The following CSMD1 variants were observed in gnomAD, a reference collection of about 807,000 sequenced individuals.
CSMD1 encodes CUB and Sushi multiple domains 1.
CSMD1 carries 213 observed loss-of-function variants against 417.5 expected under a neutral mutation model. The ratio of observed to expected loss-of-function variants is 0.51; its 90% CI spans 0.46 to 0.57. CSMD1 has a LOEUF of 0.57. CSMD1 is among the 20% of genes least tolerant of loss of function. CSMD1 has a pLI of 0.00. For synonymous variants in CSMD1, 2,862 were observed against 1,736.8 expected (o/e 1.65, Z -16.11); for missense variants, 6,923 against 4,529.7 (o/e 1.53, Z -15.17).
chr8:3,281,950 C>T (rs1802773056), intron 26 of CSMD1, among the ~76,000 whole-genome samples: 2 of 152,084 alleles, frequency 1.3e-5, no homozygotes, highest in Admixed American at 1.3e-4. Context: ...GCACGTAGCA[C>T]CTTCCGCTTC....
chr8:3,676,933 C>T (rs867245730), intron 7 of CSMD1, among the ~76,000 whole-genome samples: 2 of 151,902 alleles, frequency 1.3e-5, no homozygotes, highest in East Asian at 1.9e-4. Flanking sequence ...TGTTCACACT[C>T]ATAAGTGGGA....
chr8:3,170,409 T>C (rs897523919), intron 37 of CSMD1, among the ~76,000 whole-genome samples: 3 of 152,064 alleles, frequency 2.0e-5, no homozygotes, highest in East Asian at 3.9e-4. Context: ...GGGGTTTCAC[T>C]GTGTTAGCCA....
chr8:4,756,128 G>C (rs1212141023), intron 1 of CSMD1, among the ~76,000 whole-genome samples: 2 of 152,128 alleles, frequency 1.3e-5, no homozygotes, highest in Admixed American at 1.3e-4. Context: ...TATATAGTAA[G>C]CATATTCTGT....
chr8:4,461,072 G>A (rs900099285), intron 2 of CSMD1, among the ~76,000 whole-genome samples: 1 of 150,540 alleles, frequency 6.6e-6, no homozygotes, highest in Admixed American at 6.6e-5. Context: ...GTGTCCAAGT[G>A]CTATTTATCT....
chr8:4,581,928 G>C (rs973407465), intron 2 of CSMD1, among the ~76,000 whole-genome samples: 3 of 152,176 alleles, frequency 2.0e-5, no homozygotes, highest in African/African-American at 7.2e-5. Context: ...TCACAGTACA[G>C]TCAGGTCAAA....
At chr8:4,605,915 G>C (rs559378953) in intron 2 of CSMD1, among the ~76,000 whole-genome samples, 9 of 152,114 alleles carry the variant, frequency 5.9e-5, no homozygotes, top group African/African-American at 9.7e-5. Context: ...GATCAATGCT[G>C]GGAGATGGAA....
At chr8:4,224,233 AG>A (rs1178413934) in intron 3 of CSMD1, among the ~76,000 whole-genome samples, 1 of 2,384 alleles carries the variant, frequency 4.2e-4, no homozygotes, top group Non-Finnish European at 7.3e-4. Context: ...GGCCTTTTTC[AG>A]AAAAAAAAAA....
intron 8 of CSMD1, among the ~76,000 whole-genome samples, chr8:3,600,276 A>G (rs1425187804): frequency 1.3e-5 from 2 of 152,192 alleles, no homozygotes; most frequent in Non-Finnish European, 2.9e-5. Context: ...AAAATTCCTC[A>G]TAAAATTTAG....
intron 5 of CSMD1, among the ~76,000 whole-genome samples, chr8:3,760,531 C>G (rs1378458189): frequency 6.6e-6 from 1 of 152,202 alleles, no homozygotes; most frequent in African/African-American, 2.4e-5. Flanking sequence ...CTCCCTCAGC[C>G]TCACTTTTCT....
At chr8:3,673,746 A>G (rs967969378) in intron 7 of CSMD1, among the ~76,000 whole-genome samples, 1 of 152,166 alleles carries the variant, frequency 6.6e-6, no homozygotes, top group Non-Finnish European at 1.5e-5. Flanking sequence ...AAACTATTGG[A>G]GCTATTCCCT....
intron 3 of CSMD1, among the ~76,000 whole-genome samples, chr8:4,310,950 A>T (rs1798528048): frequency 6.6e-6 from 1 of 152,230 alleles, no homozygotes; most frequent in South Asian, 2.1e-4. Context: ...AACCTCAGTG[A>T]GATACTATCT....
chr8:4,797,929 T>G (rs746756584), intron 1 of CSMD1, among the ~76,000 whole-genome samples: 23 of 152,252 alleles, frequency 1.5e-4, no homozygotes, highest in African/African-American at 4.8e-4. Context: ...CAGATCTCCA[T>G]AAATGAAGAC....
chr8:4,459,231 G>A (rs1799663617), intron 2 of CSMD1, among the ~76,000 whole-genome samples: 1 of 152,206 alleles, frequency 6.6e-6, no homozygotes, highest in African/African-American at 2.4e-5. Context: ...TAGGAGGTAT[G>A]GGAGGCTCAA....
chr8:3,640,934 G>A (rs1425529745), intron 7 of CSMD1, among the ~76,000 whole-genome samples: 2 of 151,650 alleles, frequency 1.3e-5, no homozygotes, highest in African/African-American at 2.4e-5. Flanking sequence ...TTATTTGTGA[G>A]GGAAAGCAAA....
intron 3 of CSMD1, among the ~76,000 whole-genome samples, chr8:4,067,491 T>C (rs949236807): frequency 2.0e-5 from 3 of 152,148 alleles, no homozygotes; most frequent in African/African-American, 7.2e-5. Flanking sequence ...TACTTTTTTT[T>C]TTAATTTCAA....
chr8:4,190,619 G>T (rs1012621873), intron 3 of CSMD1, among the ~76,000 whole-genome samples: 2 of 151,554 alleles, frequency 1.3e-5, no homozygotes, highest in East Asian at 1.9e-4. Context: ...AAGCTCAAAG[G>T]GGTTAAAGAA....
chr8:3,814,257 A>G (rs1801248874), intron 5 of CSMD1, among the ~76,000 whole-genome samples: 1 of 152,148 alleles, frequency 6.6e-6, no homozygotes, highest in Admixed American at 6.6e-5. Flanking sequence ...TCTTGCTTAT[A>G]CTTAGTTCTG....
chr8:3,846,985 C>T (rs1014801693), intron 5 of CSMD1, among the ~76,000 whole-genome samples: 5 of 152,248 alleles, frequency 3.3e-5, no homozygotes, highest in South Asian at 4.1e-4. Flanking sequence ...CCAGGATTTA[C>T]TTTTTAAATA....
chr8:4,073,733 T>G (rs531863875), intron 3 of CSMD1, among the ~76,000 whole-genome samples: 2 of 152,270 alleles, frequency 1.3e-5, no homozygotes, highest in South Asian at 4.1e-4. Flanking sequence ...AGACACCAGC[T>G]GTTTTCCATT....
Sources: allele counts gnomAD v4.1 joint callset (sites outside exome capture counted in the v4.1 genomes callset), GRCh38; gene constraint gnomAD v4.1.1; transcripts MANE v1.5; gene names NCBI Gene and HGNC (gene_info 2026-07-23, HGNC 2026-07-21).